MDGA2: variants seen among roughly 807,000 people sequenced by gnomAD.
MDGA2 encodes MAM domain-containing glycosylphosphatidylinositol anchor protein 2.
Under a neutral mutation model 117.8 loss-of-function variants are expected in MDGA2, and 40 were observed. The observed-to-expected ratio is 0.34, with a 90% CI of 0.26 to 0.44. The LOEUF (loss-of-function observed/expected upper bound fraction) is 0.44, where lower values mean the gene tolerates loss of function less well. Ranked by LOEUF, MDGA2 falls within the 20% of genes least tolerant of loss-of-function variation. The pLI is 1.00. For missense variants in MDGA2, 1,123 were observed against 1,250.6 expected (o/e 0.90, Z 1.54); for synonymous variants, 452 against 439.0 (o/e 1.03, Z -0.37).
intron 1 of MDGA2, among the ~76,000 whole-genome samples, chr14:47,366,356 C>G (rs762098927): frequency 2.8e-5 from 4 of 144,990 alleles, no homozygotes; most frequent in Middle Eastern, 3.3e-3. Context: ...ATGTATTAGT[C>G]TGAAAAAAAA....
intron 1 of MDGA2, among the ~76,000 whole-genome samples, chr14:47,361,109 A>G (rs995242901): frequency 6.6e-6 from 1 of 152,026 alleles, no homozygotes; most frequent in African/African-American, 2.4e-5. Context: ...TATAATAACT[A>G]TGTGAATGAA....
chr14:47,507,885 G>A (rs1894548847), intron 1 of MDGA2, among the ~76,000 whole-genome samples: 2 of 152,084 alleles, frequency 1.3e-5, no homozygotes, highest in Non-Finnish European at 2.9e-5. Context: ...CACAGAATCT[G>A]AGAACTGAAG....
At chr14:47,521,429 CT>C (rs1894864745) in intron 1 of MDGA2, among the ~76,000 whole-genome samples, 1 of 152,058 alleles carries the variant, frequency 6.6e-6, no homozygotes, top group South Asian at 2.1e-4. Flanking sequence ...TGCCATTGCC[CT>C]CTCCAAAAAA....
chr14:47,340,141 A>G (rs1366633089), intron 1 of MDGA2, among the ~76,000 whole-genome samples: 1 of 152,092 alleles, frequency 6.6e-6, no homozygotes, highest in Non-Finnish European at 1.5e-5. Flanking sequence ...CCTTCCAGAG[A>G]CAATCTTGAT....
At position 47,058,863 on chromosome 14, in the gene MDGA2, G is replaced by A. The variant is rs79924313; in HGVS notation, c.1525+2386C>T. On this transcript the variant is annotated intron_variant, in intron 7 of 16. Coordinates refer to ENST00000399232, the MANE Select transcript of MDGA2 (RefSeq NM_001113498.3). The stretch of plus-strand genomic sequence containing the variant: ...ATCTAGCCTCAAGAGCCTGCCATCC[G>A]TGTAGCCACACTTAGAACAGCCCCA... 90 of 985,284 alleles carry A rather than the reference G, an allele frequency of 9.1e-5. No homozygotes were observed. The East Asian group carries it at 4.3e-3, about 47-fold the overall frequency. The allele number at this position is 985,284 out of a possible 1,614,324, so 61.0% of individuals were successfully genotyped here.
chr14:47,656,643 G>T (rs1055517545), intron 1 of MDGA2, among the ~76,000 whole-genome samples: 4 of 152,214 alleles, frequency 2.6e-5, no homozygotes, highest in Middle Eastern at 3.4e-3. Context: ...AGAAAAACAG[G>T]CATGCAAATG....
intron 1 of MDGA2, among the ~76,000 whole-genome samples, chr14:47,390,163 C>G (rs1390224793): frequency 6.6e-6 from 1 of 152,198 alleles, no homozygotes; most frequent in Non-Finnish European, 1.5e-5. Flanking sequence ...TTAATTCTCC[C>G]TGTTGAAAAT....
intron 7 of MDGA2, among the ~76,000 whole-genome samples, chr14:47,056,041 C>T (rs1272644497): frequency 6.6e-6 from 1 of 152,082 alleles, no homozygotes; most frequent in African/African-American, 2.4e-5. Context: ...CTGATCAAAG[C>T]TCTGTCAGGG....
chr14:47,129,088 G>GTT (rs71112485), intron 5 of MDGA2, among the ~76,000 whole-genome samples: 7 of 147,746 alleles, frequency 4.7e-5, no homozygotes, highest in South Asian at 2.1e-4. Flanking sequence ...GCATTCTCTA[G>GTT]TTTTTTTTTT....
chr14:47,432,809 A>G (rs1160849377), intron 1 of MDGA2, among the ~76,000 whole-genome samples: 1 of 152,168 alleles, frequency 6.6e-6, no homozygotes, highest in Non-Finnish European at 1.5e-5. Flanking sequence ...GTTTGAAACA[A>G]TCATCTTTAT....
chr14:47,197,515 A>T, intron 3 of MDGA2, among the ~76,000 whole-genome samples: 1 of 152,198 alleles, frequency 6.6e-6, no homozygotes, highest in East Asian at 1.9e-4. Flanking sequence ...CTGCCCAGTC[A>T]TCTATGGTAT....
chr14:46,856,902 T>C (rs1881289948), intron 14 of MDGA2, among the ~76,000 whole-genome samples: 1 of 152,068 alleles, frequency 6.6e-6, no homozygotes. Context: ...CTTCTCAGAG[T>C]CTAATTAGAG....
At chr14:47,666,689 C>G (rs1897976692) in intron 1 of MDGA2, among the ~76,000 whole-genome samples, 1 of 152,162 alleles carries the variant, frequency 6.6e-6, no homozygotes, top group Non-Finnish European at 1.5e-5. Context: ...GCTGCCTGAG[C>G]CAGCAGTGGC....
chr14:47,431,422 T>C (rs927520750), intron 1 of MDGA2, among the ~76,000 whole-genome samples: 4 of 152,036 alleles, frequency 2.6e-5, no homozygotes, highest in African/African-American at 4.8e-5. Flanking sequence ...ATTCATGTCA[T>C]TGGAATGCTA....
intron 1 of MDGA2, among the ~76,000 whole-genome samples, chr14:47,344,580 TTTTC>T (rs1890721771): frequency 6.6e-6 from 1 of 152,098 alleles, no homozygotes. Context: ...TCTGTTGTTA[TTTTC>T]TTTGTTTTTG....
chr14:47,455,831 T>C (rs1893339353), intron 1 of MDGA2, among the ~76,000 whole-genome samples: 1 of 151,862 alleles, frequency 6.6e-6, no homozygotes, highest in South Asian at 2.1e-4. Context: ...ACCCTTTCTT[T>C]ACTAAAGATA....
At chr14:47,598,745 G>T (rs1397228563) in intron 1 of MDGA2, among the ~76,000 whole-genome samples, 1 of 152,140 alleles carries the variant, frequency 6.6e-6, no homozygotes, top group Non-Finnish European at 1.5e-5. Context: ...TTTGGGTATA[G>T]ATAGTGGTGA....
chr14:47,037,293 G>T (rs551857251), intron 7 of MDGA2, among the ~76,000 whole-genome samples: 2 of 152,118 alleles, frequency 1.3e-5, no homozygotes, highest in South Asian at 4.2e-4. Flanking sequence ...TAATCTTAAG[G>T]ACCAAATATT....
chr14:46,942,401 T>C (rs1043863676), intron 9 of MDGA2, among the ~76,000 whole-genome samples: 1 of 152,186 alleles, frequency 6.6e-6, no homozygotes, highest in Non-Finnish European at 1.5e-5. Context: ...AACACAATAG[T>C]ACCTTATTCA....
Sources: gnomAD v4.1 joint callset for allele counts (sites outside exome capture counted in the v4.1 genomes callset) on GRCh38, gnomAD v4.1.1 for gene constraint, MANE v1.5 for transcripts, NCBI Gene and HGNC (gene_info 2026-07-23, HGNC 2026-07-21) for gene names.